Variants in SLC7A14 observed in about 807,000 individuals in gnomAD.
The protein encoded by SLC7A14 is gamma-aminobutyric acid transporter SLC7A14.
SLC7A14 carries 37 observed loss-of-function variants against 60.2 expected under a neutral mutation model. The observed-to-expected ratio is 0.61, with a 90% CI of 0.47 to 0.81. The LOEUF (loss-of-function observed/expected upper bound fraction) is 0.81, where lower values mean the gene tolerates loss of function less well. Ranked by LOEUF, SLC7A14 falls within the 30% of genes least tolerant of loss-of-function variation. SLC7A14 has a pLI of 0.00. For missense variants in SLC7A14, 886 were observed against 982.7 expected (o/e 0.90, Z 1.32); for synonymous variants, 399 against 395.8 (o/e 1.01, Z -0.10).
At chr3:170,541,092 A>G (rs1241980908) in intron 1 of SLC7A14, among the ~76,000 whole-genome samples, 1 of 151,444 alleles carries the variant, frequency 6.6e-6, no homozygotes, top group African/African-American at 2.5e-5. Flanking sequence ...GTGGGAATAT[A>G]AACTGATATA....
rs1420524597 is a variant in SLC7A14 at position 170,535,805 on chromosome 3, G to A, written c.-152-8717C>T. Among the ~76,000 whole-genome samples, 2 of 152,110 alleles carry A rather than the reference G, an allele frequency of 1.3e-5. No individual in the cohort carries two copies. The highest frequency in any genetic ancestry group is 4.8e-5 in the African/African-American group (2 of 41,420). On this transcript the variant is annotated intron_variant, in intron 1 of 7. Transcript: ENST00000231706. This position sits in a 1 kb window ranked among gnomAD's most constrained non-coding sequence, Gnocchi z 4.3. The stretch of plus-strand genomic sequence containing the variant: ...ATCCCCCCTGTCATTTCAGGCAGTG[G>A]GTAGTACTCATGTTTCTAGCCCTTG...
chr3:170,529,000 C>T (rs1448815583), intron 1 of SLC7A14, among the ~76,000 whole-genome samples: 1 of 152,230 alleles, frequency 6.6e-6, no homozygotes, highest in East Asian at 1.9e-4. Context: ...TCCCATGGAG[C>T]TTGCAGCCTG....
chr3:170,569,328 T>C (rs1341698113), intron 1 of SLC7A14, among the ~76,000 whole-genome samples: 1 of 152,236 alleles, frequency 6.6e-6, no homozygotes, highest in Non-Finnish European at 1.5e-5. Context: ...GATTTGCGTA[T>C]GTTGAACCAG....
In SLC7A14 at chr3:170,461,719, A is replaced by G. The variant is rs1235217080; in HGVS notation, c.*5336T>C. 6.6e-6 allele frequency: 1 copy of G among 152,282 alleles called. No homozygotes were observed. Among genetic ancestry groups the G allele is most frequent in the Non-Finnish European group, 1.5e-5 (1 of 68,092 alleles). 9.4% of individuals were successfully genotyped at this position (152,282 alleles called of 1,614,324 possible). A position where few individuals can be genotyped will look rare whatever the true frequency, so the allele number is the denominator to read the frequency against. On this transcript the variant is annotated 3_prime_UTR_variant, in exon 8 of 8. Transcript: ENST00000231706. ...AATACTCTTTCGTGGCCAGGCCACC[A>G]CTGGTTACCTGCTGGTGCCTCTCTC...
At chr3:170,518,856 C>G (rs1220004404) in intron 2 of SLC7A14, among the ~76,000 whole-genome samples, 1 of 151,994 alleles carries the variant, frequency 6.6e-6, no homozygotes, top group African/African-American at 2.4e-5. Context: ...AAAGCTGGTG[C>G]CAAGAAGAAG....
chr3:170,543,572 C>A (rs941186575), intron 1 of SLC7A14, among the ~76,000 whole-genome samples: 15 of 151,532 alleles, frequency 9.9e-5, no homozygotes, highest in African/African-American at 3.6e-4. Flanking sequence ...TCGCTTGAAC[C>A]CCAGAGGTTG....
At chr3:170,515,312 G>GCT in intron 2 of SLC7A14, among the ~76,000 whole-genome samples, 1 of 113,402 alleles carries the variant, frequency 8.8e-6, no homozygotes, top group African/African-American at 3.0e-5. Flanking sequence ...GACTCTGTCC[G>GCT]CCCCCCCCAA....
chr3:170,502,110 G>A (rs1712628668), intron 2 of SLC7A14, among the ~76,000 whole-genome samples: 1 of 152,176 alleles, frequency 6.6e-6, no homozygotes, highest in African/African-American at 2.4e-5. Context: ...GGGATTAATT[G>A]GATGAAGAAG....
In SLC7A14 at chr3:170,526,989, G is replaced by A; in HGVS notation, c.-53C>T. On this transcript the variant is annotated 5_prime_UTR_variant, in exon 2 of 8. Coordinates refer to ENST00000231706, the MANE Select transcript of SLC7A14 (RefSeq NM_020949.3). ...TCAGCTGATGGAAGGGGGCTACAAAGCCTTAGTGGATGGTTCTGGAACTCA... is the reference window on the plus strand; with the variant it reads ...TCAGCTGATGGAAGGGGGCTACAAAACCTTAGTGGATGGTTCTGGAACTCA... The A allele has an allele frequency of 6.5e-7, 1 of 1,548,978 alleles. No individual in the cohort carries two copies. Among genetic ancestry groups the A allele is most frequent in the Non-Finnish European group, 8.7e-7 (1 of 1,146,488 alleles).
intron 1 of SLC7A14, among the ~76,000 whole-genome samples, chr3:170,561,172 TC>T (rs1009605030): frequency 6.6e-6 from 1 of 152,136 alleles, no homozygotes; most frequent in Admixed American, 6.5e-5. Flanking sequence ...TGGCCTGAAG[TC>T]CCTTCACAGT....
chr3:170,533,766 A>G (rs10513682), intron 1 of SLC7A14, among the ~76,000 whole-genome samples: 20,784 of 152,048 alleles, frequency 0.14, 1,440 homozygotes, highest in Admixed American at 0.18. Flanking sequence ...ATTCACTTAG[A>G]TGTACGATTG....
Position 170,467,287 on chromosome 3 carries a change from C to T in SLC7A14, c.2084G>A (p.Arg695His), listed in dbSNP as rs777741189. ...TGAGAAGGGGTCATCCACGTCGTAGCGTTGGTACGTGCTTTGGTGCAGGGC... is the reference window on the plus strand; with the variant it reads ...TGAGAAGGGGTCATCCACGTCGTAGTGTTGGTACGTGCTTTGGTGCAGGGC... ...EEALHQSTYQ[R>H]YDVDDPFSVE... Residue 695 changes from arginine to histidine, a missense_variant, in exon 8 of 8, where the codon CGC becomes CAC. By Grantham distance (29) the Arg-to-His change is conservative. Transcript: ENST00000231706. 7 of 1,614,102 alleles carry T rather than the reference C, an allele frequency of 4.3e-6. No homozygotes were observed. Among genetic ancestry groups the T allele is most frequent in the South Asian group, 3.3e-5 (3 of 91,088 alleles).
intron 1 of SLC7A14, among the ~76,000 whole-genome samples, chr3:170,565,128 C>A (rs1714757336): frequency 6.6e-6 from 1 of 152,046 alleles, no homozygotes; most frequent in Non-Finnish European, 1.5e-5. Flanking sequence ...GAAAGAGAAC[C>A]AAGTTGGCAT....
intron 2 of SLC7A14, among the ~76,000 whole-genome samples, chr3:170,514,635 A>T (rs1360930912): frequency 6.6e-6 from 1 of 152,220 alleles, no homozygotes; most frequent in Non-Finnish European, 1.5e-5. Flanking sequence ...TCTTGGGCAT[A>T]TACTTTCAGA....
intron 1 of SLC7A14, among the ~76,000 whole-genome samples, chr3:170,545,006 T>C (rs898230164): frequency 2.0e-5 from 3 of 152,258 alleles, no homozygotes; most frequent in Admixed American, 1.3e-4. Context: ...ACTTGAAATG[T>C]GTCTAGTGCA....
intron 2 of SLC7A14, 107 bp from the exon 3 acceptor site, chr3:170,501,452 C>CA (rs1390278920): frequency 2.6e-5 from 23 of 884,200 alleles, no homozygotes; most frequent in Non-Finnish European, 4.2e-5. Context: ...GATCTCAGAA[C>CA]AAATACACAA....
intron 2 of SLC7A14, among the ~76,000 whole-genome samples, chr3:170,514,012 A>G (rs1713070336): frequency 6.6e-6 from 1 of 151,916 alleles, no homozygotes. Flanking sequence ...ATCCATCTCC[A>G]TCTGTGTGTA....
At chr3:170,473,137 G>A (rs997781727) in intron 7 of SLC7A14, among the ~76,000 whole-genome samples, 30 of 152,102 alleles carry the variant, frequency 2.0e-4, no homozygotes, top group Non-Finnish European at 8.8e-5. Flanking sequence ...CTAAGCTTGC[G>A]TTCATATACT....
chr3:170,481,145 G>C lies in SLC7A14; in HGVS notation c.1137C>G (p.Ser379=). The part of the protein sequence containing the change: ...LLFRFLAHVS[S]YTETPVVACI... ...AGGCCACCACTGGTGTCTCTGTGTA[G>C]GAGCTGACGTGAGCCAGGAACCTGG... Residue 379 remains serine (S), a synonymous_variant, in exon 7 of 8, where the codon TCC becomes TCG. Coordinates refer to ENST00000231706, the MANE Select transcript of SLC7A14 (RefSeq NM_020949.3). 1 of 1,613,510 alleles carries C rather than the reference G, an allele frequency of 6.2e-7. No individual in the cohort carries two copies.
Sources: gnomAD v4.1 joint callset for allele counts (sites outside exome capture counted in the v4.1 genomes callset) on GRCh38, gnomAD v4.1.1 for gene constraint, Gnocchi (gnomAD v3.1) non-coding constraint, MANE v1.5 for transcripts, NCBI Gene and HGNC (gene_info 2026-07-23, HGNC 2026-07-21) for gene names.